SUGCT: variants seen among roughly 807,000 people sequenced by gnomAD.
SUGCT encodes the protein succinyl-CoA:glutarate CoA-transferase.
SUGCT carries 41 observed loss-of-function variants against 55.0 expected under a neutral mutation model. The observed-to-expected ratio is 0.74, with a 90% CI of 0.58 to 0.97. The LOEUF is 0.97. Among genes scored for constraint, SUGCT ranks in the 50% least tolerant of loss-of-function variants. The pLI is 0.00. For missense variants in SUGCT, 568 were observed against 547.8 expected, an observed-to-expected ratio of 1.04 and a Z score of -0.37; for synonymous variants, 187 against 200.4, an observed-to-expected ratio of 0.93 and a Z score of 0.56.
rs1237620818 is a variant in SUGCT, at chr7:40,249,345, AT to A, written c.576+11620del. ...TATATATATATATATATATATATAT[AT>A]AATTATATTATATAGAATATATTAT... On this transcript the variant is annotated intron_variant, in intron 7 of 13. Coordinates refer to ENST00000335693, the MANE Select transcript of SUGCT (RefSeq NM_001193313.2). 4.6e-4 allele frequency among the ~76,000 whole-genome samples: 59 copies of A among 128,062 alleles called. 1 individual carries two copies. The highest frequency in any genetic ancestry group is 1.9e-3 in the African/African-American group (57 of 30,152). The allele number at this position is 128,062 out of a possible 152,430, so 84.0% of individuals were successfully genotyped here. A position where few individuals can be genotyped will look rare whatever the true frequency, so the allele number is the denominator to read the frequency against.
chr7:40,828,587 A>AC (rs1360553748), intron 13 of SUGCT, among the ~76,000 whole-genome samples: 1 of 151,946 alleles, frequency 6.6e-6, no homozygotes, highest in African/African-American at 2.4e-5. Flanking sequence ...AAAAAAAAAA[A>AC]AAAAAAACTC....
At chr7:40,412,438 T>G (rs955167684) in intron 9 of SUGCT, among the ~76,000 whole-genome samples, 2 of 152,232 alleles carry the variant, frequency 1.3e-5, no homozygotes, top group African/African-American at 4.8e-5. Context: ...GTTTGTAAAA[T>G]TAGCTGATGC....
At chr7:40,818,775 A>G (rs1305119318) in intron 13 of SUGCT, among the ~76,000 whole-genome samples, 10 of 152,092 alleles carry the variant, frequency 6.6e-5, no homozygotes, top group Non-Finnish European at 1.5e-5. Flanking sequence ...TTTTTTAAAT[A>G]TACTTTAAGT....
intron 12 of SUGCT, among the ~76,000 whole-genome samples, chr7:40,563,717 A>G (rs1001721155): frequency 6.7e-6 from 1 of 148,278 alleles, no homozygotes; most frequent in South Asian, 2.1e-4. Context: ...GTCTCTAATG[A>G]TAATAATAAT....
At chr7:40,778,926 G>T (rs1789591967) in intron 13 of SUGCT, among the ~76,000 whole-genome samples, 1 of 152,052 alleles carries the variant, frequency 6.6e-6, no homozygotes, top group Non-Finnish European at 1.5e-5. Context: ...CAGCCCTTTG[G>T]CTCCCTTTCA....
At chr7:40,500,035 A>G (rs1792194739) in intron 12 of SUGCT, among the ~76,000 whole-genome samples, 1 of 152,200 alleles carries the variant, frequency 6.6e-6, no homozygotes, top group African/African-American at 2.4e-5. Flanking sequence ...GAGAGGGATT[A>G]AAAGCATCAT....
At chr7:40,379,040 C>T (rs1784742255) in intron 9 of SUGCT, among the ~76,000 whole-genome samples, 1 of 152,050 alleles carries the variant, frequency 6.6e-6, no homozygotes, top group African/African-American at 2.4e-5. Flanking sequence ...ACATCCTTAT[C>T]AGAGAGAGGC....
chr7:40,826,041 A>G (rs770783419), intron 13 of SUGCT, among the ~76,000 whole-genome samples: 9 of 152,246 alleles, frequency 5.9e-5, no homozygotes, highest in Non-Finnish European at 1.3e-4. Flanking sequence ...TAAGCTCAAA[A>G]TGTAAAACCC....
chr7:40,900,019 C>CAGTA, the SUGCT span, among the ~76,000 whole-genome samples: 1 of 152,152 alleles, frequency 6.6e-6, no homozygotes, highest in African/African-American at 2.4e-5. Context: ...CTAGAGGTCA[C>CAGTA]AGTAGTAGCA....
intron 6 of SUGCT, among the ~76,000 whole-genome samples, chr7:40,227,874 ATATATT>A: frequency 6.8e-6 from 1 of 147,882 alleles, no homozygotes; most frequent in African/African-American, 2.6e-5. Flanking sequence ...TTATTTATTT[ATATATT>A]TATTTATTTA....
chr7:40,835,313 T>C (rs1792906138), intron 13 of SUGCT, among the ~76,000 whole-genome samples: 1 of 152,204 alleles, frequency 6.6e-6, no homozygotes, highest in Non-Finnish European at 1.5e-5. Context: ...AACAACAGAA[T>C]TAAAATCTAA....
chr7:40,283,868 A>G (rs1436172914), intron 8 of SUGCT, among the ~76,000 whole-genome samples: 1 of 152,174 alleles, frequency 6.6e-6, no homozygotes, highest in Non-Finnish European at 1.5e-5. Flanking sequence ...AAATATATGC[A>G]TTTTCATGTT....
intron 12 of SUGCT, among the ~76,000 whole-genome samples, chr7:40,614,681 G>A (rs1798912409): frequency 6.6e-6 from 1 of 152,094 alleles, no homozygotes; most frequent in Admixed American, 6.5e-5. Flanking sequence ...CTCCTGTATT[G>A]AAAATAAAGA....
chr7:40,651,147 G>A (rs550080446), intron 12 of SUGCT, among the ~76,000 whole-genome samples: 10 of 152,234 alleles, frequency 6.6e-5, no homozygotes, highest in African/African-American at 2.2e-4. Flanking sequence ...TTGATTTCAT[G>A]TCTTTGCTAT....
the SUGCT span, among the ~76,000 whole-genome samples, chr7:40,944,554 T>C: frequency 1.4e-4 from 22 of 152,292 alleles, no homozygotes; most frequent in East Asian, 3.9e-4. Context: ...TCCCCATTGC[T>C]TGTTTTTCTC....
At chr7:40,992,169 C>T in the SUGCT span, among the ~76,000 whole-genome samples, 4 of 152,066 alleles carry the variant, frequency 2.6e-5, no homozygotes, top group African/African-American at 9.7e-5. Flanking sequence ...ATGGGTTTTC[C>T]GGAAAAGGGG....
At chr7:40,138,317 G>T (rs1025378593) in intron 1 of SUGCT, among the ~76,000 whole-genome samples, 2 of 152,142 alleles carry the variant, frequency 1.3e-5, no homozygotes, top group African/African-American at 4.8e-5. Context: ...TGCTGCAAAA[G>T]ACATAATTTC....
intron 7 of SUGCT, among the ~76,000 whole-genome samples, chr7:40,264,085 T>C (rs1232165561): frequency 1.3e-5 from 2 of 152,296 alleles, no homozygotes; most frequent in Non-Finnish European, 2.9e-5. Flanking sequence ...CTTTGTAGTG[T>C]TAAGACTCTT....
At chr7:40,285,075 A>G (rs1362694738) in intron 8 of SUGCT, among the ~76,000 whole-genome samples, 1 of 152,200 alleles carries the variant, frequency 6.6e-6, no homozygotes, top group Non-Finnish European at 1.5e-5. Context: ...CTAGTGGGAG[A>G]ATATCCCAAA....
Sources: gnomAD v4.1 joint callset for allele counts (sites outside exome capture counted in the v4.1 genomes callset) on GRCh38, gnomAD v4.1.1 for gene constraint, MANE v1.5 for transcripts, NCBI Gene and HGNC (gene_info 2026-07-23, HGNC 2026-07-21) for gene names.